The following ZNF347 variants were observed in gnomAD, a reference collection of about 807,000 sequenced individuals.
ZNF347 encodes the protein CTD-2620I22.7.
In ZNF347, 19 loss-of-function variants were observed where a neutral mutation model predicts 12.9. That is an observed-to-expected ratio of 1.47 (90% CI 1.03 to 2.16). The LOEUF (loss-of-function observed/expected upper bound fraction) is 2.16, where lower values mean the gene tolerates loss of function less well. ZNF347 is among the 30% of genes most tolerant of loss of function. The probability of loss-of-function intolerance (pLI) is 0.00; values close to 1 mark genes in which losing one functional copy is unlikely to be tolerated. For synonymous variants in ZNF347, 328 were observed against 340.6 expected (o/e 0.96, Z 0.41); for missense variants, 1,005 against 990.6 (o/e 1.01, Z -0.19).
intron 4 of ZNF347, among the ~76,000 whole-genome samples, chr19:53,148,474 T>C (rs934752565): frequency 6.6e-6 from 1 of 152,170 alleles, no homozygotes; most frequent in Non-Finnish European, 1.5e-5. Context: ...GATAAAGACT[T>C]TGCCTTTGTC....
chr19:53,156,994 T>C (rs773922658), intron 1 of ZNF347, among the ~76,000 whole-genome samples: 1 of 152,100 alleles, frequency 6.6e-6, no homozygotes, highest in Non-Finnish European at 1.5e-5. Context: ...TTGTATTGAG[T>C]GTGACAGGAA....
chr19:53,141,514 A>G lies in ZNF347; in HGVS notation c.1314T>C (p.Phe438=). 6.2e-7 allele frequency: 1 copy of G among 1,611,308 alleles called. No homozygotes were observed. The highest frequency in any genetic ancestry group is 8.5e-7 in the Non-Finnish European group (1 of 1,179,296). The stretch of plus-strand genomic sequence containing the variant: ...GAATAGCTAGGCTTGAACGAACACC[A>G]AAGGCTTTGCCGCACTCATTACACT... ...PYKCNECGKA[F]GVRSSLAIHL... is the part of the protein sequence containing the mutation. The change falls in exon 5 of 5, where the codon TTT becomes TTC. Residue 438 remains phenylalanine (F), a synonymous_variant. Transcript: ENST00000334197.
In ZNF347 at chr19:53,142,271, A is replaced by C; in HGVS notation, c.557T>G (p.Leu186Ter). Residue 186 changes from leucine (L) to a stop codon, truncating the protein, a stop_gained, in exon 5 of 5, where the codon TTA (leucine) becomes TGA (stop). Transcript: ENST00000334197. LOFTEE classifies it low-confidence loss of function (END_TRUNC). Reference protein sequence around the residue: ...RNKLIKNQLGLSLQSHLPELQ... With the variant: ...RNKLIKNQLG ...TTCAGGCAGATGTGACTGAAGGCTT[A>C]ATCCAAGCTGATTTTTAATAAGCTT... 3 of 1,613,776 alleles carry C rather than the reference A, an allele frequency of 1.9e-6. No homozygotes were observed. The highest frequency in any genetic ancestry group is 2.5e-6 in the Non-Finnish European group (3 of 1,179,904).
chr19:53,158,227 A>G (rs1414818362), intron 1 of ZNF347, among the ~76,000 whole-genome samples: 14 of 152,128 alleles, frequency 9.2e-5, no homozygotes, highest in African/African-American at 3.1e-4. Context: ...TGCGAAGGGG[A>G]GGCCTGGGGA....
chr19:53,148,192 G>T (rs950495139), intron 4 of ZNF347, among the ~76,000 whole-genome samples: 3 of 152,122 alleles, frequency 2.0e-5, no homozygotes, highest in Admixed American at 2.0e-4. Context: ...AAAGCATACA[G>T]ATTGAAAAGG....
intron 4 of ZNF347, among the ~76,000 whole-genome samples, chr19:53,148,288 T>C (rs552581923): frequency 6.6e-6 from 1 of 152,324 alleles, no homozygotes; most frequent in African/African-American, 2.4e-5. Context: ...TCTTAAAATT[T>C]AGCTAACTAT....
chr19:53,155,302 G>GTGTC (rs2090525385), intron 1 of ZNF347, among the ~76,000 whole-genome samples: 1 of 104,594 alleles, frequency 9.6e-6, no homozygotes, highest in Admixed American at 8.9e-5. Context: ...TTCTGTGTGT[G>GTGTC]TGTGTGTGTG....
chr19:53,157,992 C>T (rs1484466491), intron 1 of ZNF347, among the ~76,000 whole-genome samples: 6 of 152,172 alleles, frequency 3.9e-5, no homozygotes, highest in African/African-American at 1.4e-4. Flanking sequence ...TTACGGGTTT[C>T]CCTCACTCTT....
In ZNF347 at chr19:53,156,050, G is replaced by GGGGC. The variant is rs1184119381; in HGVS notation, c.-46-2258_-46-2257insGCCC. Among the ~76,000 whole-genome samples, 146 of 137,002 alleles carry GGGGC rather than the reference G, an allele frequency of 1.1e-3. 14 individuals carry two copies. The highest frequency in any genetic ancestry group is 3.9e-3 in the African/African-American group (143 of 36,648). The allele number at this position is 137,002 out of a possible 152,430, so 89.9% of individuals were successfully genotyped here. Reference sequence around the variant, plus strand: ...CTCCCAGGGGACTCCCAGCTCGGGGGGGGGGGGGGGTTAGGCGGGGGTCCT... The same window carrying GGGGC: ...CTCCCAGGGGACTCCCAGCTCGGGGGGGGCGGGGGGGGGGTTAGGCGGGGGTCCT... On this transcript the variant is annotated intron_variant, in intron 1 of 4. Transcript: ENST00000334197.
chr19:53,153,614 A>G (rs2090512937), intron 2 of ZNF347, 119 bp downstream of exon 2: 2 of 1,457,686 alleles, frequency 1.4e-6, no homozygotes, highest in Non-Finnish European at 1.9e-6. Context: ...AGGCACGCGT[A>G]AGTGCGAGCA....
rs1752021706 is a variant in ZNF347, at chr19:53,135,327, TATATATATATATAGAGAG to T, written c.*4963_*4980del. 5 of 42,644 alleles carry T rather than the reference TATATATATATATAGAGAG, an allele frequency of 1.2e-4. No individual in the cohort carries two copies. The highest frequency in any genetic ancestry group is 7.0e-4 in the South Asian group (1 of 1,426). The allele number at this position is 42,644 out of a possible 1,614,324, so 2.6% of individuals were successfully genotyped here. ...ATATATATATATATATATATATATA[TATATATATATATAGAGAG>T]AGAGAGAGAGAGAGAGAGAGAGAAA... On this transcript the variant is annotated 3_prime_UTR_variant, in exon 5 of 5. Transcript: ENST00000334197.
At chr19:53,155,729 A>G (rs1216201757) in intron 1 of ZNF347, among the ~76,000 whole-genome samples, 2 of 151,622 alleles carry the variant, frequency 1.3e-5, no homozygotes, top group East Asian at 1.9e-4. Flanking sequence ...ATTGTGAAGG[A>G]AAAAAAAAGT....
intron 1 of ZNF347, 93 bp downstream of exon 1, chr19:53,158,905 AAAAAAAAAAAG>A (rs1348263177): frequency 6.6e-6 from 1 of 151,294 alleles, no homozygotes; most frequent in African/African-American, 2.4e-5. Context: ...CTCACCAAAA[AAAAAAAAAAAG>A]AAAAAAAAAA....
In ZNF347 at chr19:53,141,714, G is replaced by A; in HGVS notation, c.1114C>T (p.Pro372Ser). ...RHRGIHTGEKPYKCNECGKAF... is the reference protein window; with the variant it reads ...RHRGIHTGEKSYKCNECGKAF... ...TTCCCACACTCATTACACTTGTAAG[G>A]TTTCTCTCCAGTATGAATTCCTCGA... The change falls in exon 5 of 5, where the codon CCT becomes TCT. Residue 372 changes from proline (P) to serine (S), a missense_variant. Physicochemically the swap from Pro to Ser is moderately conservative, Grantham distance 74. Coordinates refer to ENST00000334197, the MANE Select transcript of ZNF347 (RefSeq NM_032584.3). 3 of 1,613,938 alleles carry A rather than the reference G, an allele frequency of 1.9e-6. No homozygotes were observed. The highest frequency in any genetic ancestry group is 2.5e-6 in the Non-Finnish European group (3 of 1,179,946).
chr19:53,146,159 G>C lies in ZNF347; in HGVS notation c.271+2522C>G, dbSNP rs934486474. Among the ~76,000 whole-genome samples, 4 of 151,782 alleles carry C rather than the reference G, an allele frequency of 2.6e-5. No individual in the cohort carries two copies. The South Asian group carries it at 8.3e-4, about 32-fold the overall frequency. ...CCCGGCTAATTTTGTATTTTTAGTA[G>C]AGATGGGGTTTCTCCATGTTGGTCA... is the stretch of plus-strand genomic sequence containing the variant. On this transcript the variant is annotated intron_variant, in intron 4 of 4. Transcript: ENST00000334197.
At chr19:53,149,177 C>G in intron 3 of ZNF347, 64 bp downstream of exon 3, 2 of 1,593,232 alleles carry the variant, frequency 1.3e-6, no homozygotes, top group South Asian at 2.3e-5. Flanking sequence ...CCCAGGAGAG[C>G]CACATGGAAA....
chr19:53,144,352 T>A (rs1272256242), intron 4 of ZNF347, among the ~76,000 whole-genome samples: 1 of 152,152 alleles, frequency 6.6e-6, no homozygotes, highest in Admixed American at 6.5e-5. Flanking sequence ...AAATAGACTT[T>A]AAGTCAATAA....
intron 3 of ZNF347, 97 bp downstream of exon 3, chr19:53,149,144 C>G: frequency 1.3e-6 from 2 of 1,568,992 alleles, no homozygotes; most frequent in Non-Finnish European, 1.7e-6. Context: ...CAGCTTCAGT[C>G]TCAGCCAAGC....
rs987264149 is a variant in ZNF347, at chr19:53,135,390, A to G, written c.*4918T>C. The G allele has an allele frequency of 9.0e-4, 132 of 147,110 alleles. No individual in the cohort carries two copies. Among genetic ancestry groups the G allele is most frequent in the African/African-American group, 3.1e-3 (122 of 39,800 alleles). 9.1% of individuals were successfully genotyped at this position (147,110 alleles called of 1,614,324 possible). A position where few individuals can be genotyped will look rare whatever the true frequency, so the allele number is the denominator to read the frequency against. ...GAGAAAGAGAGAGAGAGAGAGAGAG[A>G]GAGATGGAGTCCCGCTCTGTCACTG... is the stretch of plus-strand genomic sequence containing the variant. On this transcript the variant is annotated 3_prime_UTR_variant, in exon 5 of 5. Transcript: ENST00000334197.
Sources: allele counts gnomAD v4.1 joint callset (sites outside exome capture counted in the v4.1 genomes callset), GRCh38; gene constraint gnomAD v4.1.1; transcripts MANE v1.5; gene names NCBI Gene and HGNC (gene_info 2026-07-23, HGNC 2026-07-21).